TAFA4: variants seen among roughly 807,000 people sequenced by gnomAD.
TAFA4 encodes TAFA chemokine like family member 4.
TAFA4 carries 20 observed loss-of-function variants against 21.1 expected under a neutral mutation model. That is an observed-to-expected ratio of 0.95 (90% confidence interval 0.67 to 1.38). TAFA4 has a LOEUF of 1.38. Ranked by LOEUF, TAFA4 falls within the 40% of genes most tolerant of loss-of-function variation. The pLI, the probability that TAFA4 is intolerant of heterozygous loss-of-function variation, is 0.00. For synonymous variants in TAFA4, 71 were observed against 67.4 expected (o/e 1.05, Z -0.26); for missense variants, 211 against 180.9 (o/e 1.17, Z -0.95).
At chr3:68,903,855 A>G (rs7620370) in intron 1 of TAFA4, among the ~76,000 whole-genome samples, 148,143 of 152,200 alleles carry the variant, frequency 0.97, 72,229 homozygotes, top group East Asian at 1. Flanking sequence ...CTCCATCCTC[A>G]GAGGTGACAA....
At chr3:68,781,269 A>G (rs1238189387) in intron 3 of TAFA4, among the ~76,000 whole-genome samples, 2 of 151,268 alleles carry the variant, frequency 1.3e-5, no homozygotes, top group Non-Finnish European at 2.9e-5. Flanking sequence ...TCCAAAGCAA[A>G]AAATGGAAAA....
chr3:68,830,534 T>C (rs1704358512), intron 3 of TAFA4, among the ~76,000 whole-genome samples: 1 of 152,240 alleles, frequency 6.6e-6, no homozygotes, highest in South Asian at 2.1e-4. Context: ...CTAATTTGAT[T>C]GCACTGTGGT....
intron 3 of TAFA4, among the ~76,000 whole-genome samples, chr3:68,786,266 A>AT (rs1703259754): frequency 6.6e-6 from 1 of 152,244 alleles, no homozygotes; most frequent in African/African-American, 2.4e-5. Flanking sequence ...TTAAAATTAA[A>AT]TTTTAAAAAA....
intron 1 of TAFA4, among the ~76,000 whole-genome samples, chr3:68,927,537 A>G (rs1029136123): frequency 6.6e-6 from 1 of 152,246 alleles, no homozygotes; most frequent in Non-Finnish European, 1.5e-5. Context: ...CCAACAGAGT[A>G]GTTTGTGTGT....
chr3:68,754,739 T>C (rs992009557), intron 3 of TAFA4, among the ~76,000 whole-genome samples: 6 of 152,190 alleles, frequency 3.9e-5, no homozygotes, highest in South Asian at 4.1e-4. Flanking sequence ...TTAGTACCCA[T>C]TGATGATTTC....
At chr3:68,906,347 G>A (rs1318353637) in intron 1 of TAFA4, among the ~76,000 whole-genome samples, 1 of 152,128 alleles carries the variant, frequency 6.6e-6, no homozygotes, top group African/African-American at 2.4e-5. Context: ...CAATTATTCG[G>A]GGTCTTTTAC....
intron 3 of TAFA4, among the ~76,000 whole-genome samples, chr3:68,820,815 T>C (rs372914260): frequency 1.3e-5 from 2 of 152,228 alleles, no homozygotes; most frequent in African/African-American, 4.8e-5. Context: ...TTGTACACCA[T>C]AAATACCTAT....
At chr3:68,833,647 T>C (rs777246045) in intron 3 of TAFA4, among the ~76,000 whole-genome samples, 4 of 152,188 alleles carry the variant, frequency 2.6e-5, no homozygotes, top group Non-Finnish European at 5.9e-5. Flanking sequence ...AAATAGTTAA[T>C]TTGGTTGGAA....
intron 3 of TAFA4, among the ~76,000 whole-genome samples, chr3:68,789,125 G>T (rs546705520): frequency 6.6e-6 from 1 of 152,044 alleles, no homozygotes; most frequent in African/African-American, 2.4e-5. Context: ...CAGCTACTAG[G>T]GGGGCTGAGG....
chr3:68,886,966 A>C (rs766098945), intron 1 of TAFA4, among the ~76,000 whole-genome samples: 3 of 152,198 alleles, frequency 2.0e-5, no homozygotes, highest in Non-Finnish European at 4.4e-5. Flanking sequence ...CTTCTTACAT[A>C]CAAAATATAT....
chr3:68,825,836 C>G (rs1417774790), intron 3 of TAFA4, among the ~76,000 whole-genome samples: 2 of 152,196 alleles, frequency 1.3e-5, no homozygotes, highest in African/African-American at 2.4e-5. Context: ...TCTATCCCTC[C>G]TCTCAAACAG....
intron 3 of TAFA4, among the ~76,000 whole-genome samples, chr3:68,781,155 A>C (rs1257446670): frequency 6.6e-6 from 1 of 151,928 alleles, no homozygotes; most frequent in Non-Finnish European, 1.5e-5. Context: ...TGACCAAGGG[A>C]AATTTACAAA....
intron 1 of TAFA4, among the ~76,000 whole-genome samples, chr3:68,903,711 G>A (rs1020753063): frequency 6.6e-6 from 1 of 152,190 alleles, no homozygotes; most frequent in Admixed American, 6.5e-5. Context: ...AGTGGATTGT[G>A]TGTCACAGGG....
chr3:68,827,726 C>T (rs572377318), intron 3 of TAFA4, among the ~76,000 whole-genome samples: 11 of 151,146 alleles, frequency 7.3e-5, no homozygotes, highest in East Asian at 1.9e-4. Context: ...CACTTTTTAA[C>T]GGGGTTGTTT....
At chr3:68,871,379 CAGA>C (rs1336357632) in intron 3 of TAFA4, among the ~76,000 whole-genome samples, 1 of 151,902 alleles carries the variant, frequency 6.6e-6, no homozygotes. Context: ...AAACCATATG[CAGA>C]AGAACAAAGC....
intron 4 of TAFA4, among the ~76,000 whole-genome samples, chr3:68,752,636 A>G (rs1212251399): frequency 6.6e-6 from 1 of 152,154 alleles, no homozygotes; most frequent in East Asian, 1.9e-4. Flanking sequence ...CATCTTCCCA[A>G]CTGCCCTATA....
chr3:68,914,863 GA>G (rs1178493578), intron 1 of TAFA4, among the ~76,000 whole-genome samples: 5 of 151,742 alleles, frequency 3.3e-5, no homozygotes, highest in Non-Finnish European at 4.4e-5. Context: ...ATGGTTGGGG[GA>G]AAAAAAGAAT....
intron 3 of TAFA4, among the ~76,000 whole-genome samples, chr3:68,827,856 C>G (rs1224307134): frequency 1.3e-5 from 2 of 152,140 alleles, no homozygotes; most frequent in Non-Finnish European, 2.9e-5. Context: ...ATGATAGTTT[C>G]TTTTCCTGTG....
chr3:68,785,126 G>T (rs1703227713), intron 3 of TAFA4, among the ~76,000 whole-genome samples: 1 of 152,220 alleles, frequency 6.6e-6, no homozygotes, highest in African/African-American at 2.4e-5. Flanking sequence ...TAGACACAGG[G>T]TGCTGATTGG....
Sources: gnomAD v4.1 joint callset for allele counts (sites outside exome capture counted in the v4.1 genomes callset) on GRCh38, gnomAD v4.1.1 for gene constraint, MANE v1.5 for transcripts, NCBI Gene and HGNC (gene_info 2026-07-23, HGNC 2026-07-21) for gene names.